The following ZNF195 variants were observed in gnomAD, a reference collection of about 807,000 sequenced individuals.
The protein encoded by ZNF195 is zinc finger protein 195.
In ZNF195, 11 loss-of-function variants were observed where a neutral mutation model predicts 19.5. The observed-to-expected ratio is 0.57, with a 90% CI of 0.36 to 0.94. The LOEUF (loss-of-function observed/expected upper bound fraction) is 0.94. ZNF195 is among the 40% of genes least tolerant of loss of function. The pLI is 0.01. For missense variants in ZNF195, 582 were observed against 709.0 expected, an observed-to-expected ratio of 0.82 and a Z score of 2.03; for synonymous variants, 214 against 248.1, an observed-to-expected ratio of 0.86 and a Z score of 1.29.
intron 1 of ZNF195, among the ~76,000 whole-genome samples, chr11:3,376,716 A>G (rs550217874): frequency 6.6e-6 from 1 of 152,378 alleles, no homozygotes; most frequent in East Asian, 1.9e-4. Context: ...AACTATTTCC[A>G]TAACAAATCA....
At chr11:3,375,267 C>T (rs1036744741) in intron 1 of ZNF195, among the ~76,000 whole-genome samples, 4 of 152,138 alleles carry the variant, frequency 2.6e-5, no homozygotes, top group Admixed American at 6.5e-5. Flanking sequence ...AACTGCCCCC[C>T]ACCCCAAAAT....
chr11:3,370,388 AT>A (rs1229334955), intron 3 of ZNF195, among the ~76,000 whole-genome samples: 12 of 152,300 alleles, frequency 7.9e-5, no homozygotes, highest in African/African-American at 2.6e-4. Flanking sequence ...ACTAAAAAAA[AT>A]AAAATAAAAT....
rs1554927715 is a variant in ZNF195, at chr11:3,360,880, C to T, written c.374-92G>A. On this transcript the variant is annotated intron_variant, in intron 4 of 5. Coordinates refer to ENST00000399602, the MANE Select transcript of ZNF195 (RefSeq NM_001130520.3). ...GTATAGCATCATGCCTTTAAGAGTA[C>T]ACCCTCAGCTCTTGGCTTCTCCTTC... 10 of 1,085,942 alleles carry T rather than the reference C, an allele frequency of 9.2e-6. No homozygotes were observed. The South Asian group carries it at 1.1e-4, about 11-fold the overall frequency. The allele number at this position is 1,085,942 out of a possible 1,614,324, so 67.3% of individuals were successfully genotyped here.
Position 3,359,748 on chromosome 11 carries a change from C to T in ZNF195, c.1260G>A (p.Lys420=). The change falls in exon 6 of 6, where the codon AAG becomes AAA. Residue 420 remains lysine (K), a synonymous_variant. Transcript: ENST00000399602. This position sits in a 1 kb window ranked among gnomAD's most constrained non-coding sequence, Gnocchi z 5.5. The part of the protein sequence containing the change: ...FKCEECDSIF[K]WFSDLTKHKR... ...TATGTTTAGTAAGGTCTGAGAACCACTTGAAGATGCTGTCACATTCCTCAC... is the reference window on the plus strand; with the variant it reads ...TATGTTTAGTAAGGTCTGAGAACCATTTGAAGATGCTGTCACATTCCTCAC... 1 of 1,614,210 alleles carries T rather than the reference C, an allele frequency of 6.2e-7. No individual in the cohort carries two copies. The highest frequency in any genetic ancestry group is 1.3e-5 in the African/African-American group (1 of 75,058).
At chr11:3,372,964 C>T (rs1849290597) in intron 1 of ZNF195, among the ~76,000 whole-genome samples, 2 of 152,350 alleles carry the variant, frequency 1.3e-5, no homozygotes, top group South Asian at 4.1e-4. Context: ...GAACTCCTGG[C>T]CCCAAGCGAT....
At chr11:3,372,392 C>A (rs1386934496) in intron 1 of ZNF195, among the ~76,000 whole-genome samples, 2 of 152,196 alleles carry the variant, frequency 1.3e-5, no homozygotes, top group Non-Finnish European at 2.9e-5. Context: ...GCTCTTTAAA[C>A]AACTGAATAA....
chr11:3,365,541 T>C (rs1256974926), intron 3 of ZNF195, among the ~76,000 whole-genome samples: 1 of 152,256 alleles, frequency 6.6e-6, no homozygotes, highest in Non-Finnish European at 1.5e-5. Flanking sequence ...ATAATTTAGT[T>C]TTTTAAAGAT....
intron 1 of ZNF195, chr11:3,377,688 C>T: frequency 8.4e-7 from 1 of 1,192,008 alleles, no homozygotes; most frequent in Non-Finnish European, 1.1e-6. Flanking sequence ...GGAGAGGCCA[C>T]ACTTCATACC....
Position 3,379,029 on chromosome 11 carries a change from T to A in ZNF195, c.3+9A>T. The A allele has an allele frequency of 6.7e-7, 1 of 1,491,684 alleles. No homozygotes were observed. Among genetic ancestry groups the A allele is most frequent in the Non-Finnish European group, 9.0e-7 (1 of 1,110,544 alleles). The allele number at this position is 1,491,684 out of a possible 1,614,324, so 92.4% of individuals were successfully genotyped here. On this transcript the variant is annotated intron_variant, in intron 1 of 5. Coordinates refer to ENST00000399602, the MANE Select transcript of ZNF195 (RefSeq NM_001130520.3). The stretch of plus-strand genomic sequence containing the variant: ...CCTGTCTCTCAGGAGGCCTGGCCCC[T>A]ACACTCACCATCTCCTGGCCTCCAG...
chr11:3,375,821 T>C (rs546076723), intron 1 of ZNF195, among the ~76,000 whole-genome samples: 89 of 152,328 alleles, frequency 5.8e-4, no homozygotes, highest in African/African-American at 2.0e-3. Context: ...TCATTTCTCT[T>C]ATTCTACAAC....
chr11:3,378,155 C>G (rs1430102337), intron 1 of ZNF195, among the ~76,000 whole-genome samples: 1 of 152,038 alleles, frequency 6.6e-6, no homozygotes, highest in African/African-American at 2.4e-5. Flanking sequence ...ACTAAAAATA[C>G]AAAAATTAGC....
chr11:3,364,627 C>T (rs1176223165), intron 3 of ZNF195, among the ~76,000 whole-genome samples: 2 of 152,124 alleles, frequency 1.3e-5, no homozygotes, highest in African/African-American at 4.8e-5. Flanking sequence ...TATGTACTCT[C>T]CATTTTTCAA....
intron 1 of ZNF195, chr11:3,377,721 AC>A: frequency 9.1e-7 from 1 of 1,098,914 alleles, no homozygotes; most frequent in Admixed American, 4.1e-5. Flanking sequence ...CTGAGAAATA[AC>A]CCAGGGCCTG....
intron 1 of ZNF195, chr11:3,377,809 A>G (rs950620144): frequency 1.0e-6 from 1 of 991,506 alleles, no homozygotes; most frequent in African/African-American, 1.7e-5. Flanking sequence ...GAAACTGAGG[A>G]AAAAGTCCAG....
chr11:3,361,485 T>C (rs1848630511), intron 4 of ZNF195, among the ~76,000 whole-genome samples: 1 of 151,126 alleles, frequency 6.6e-6, no homozygotes, highest in Non-Finnish European at 1.5e-5. Context: ...CTAAGTAAAA[T>C]TAGGAAAATA....
intron 2 of ZNF195, 131 bp downstream of exon 2, chr11:3,371,446 C>T: frequency 8.2e-7 from 1 of 1,213,918 alleles, no homozygotes; most frequent in Non-Finnish European, 1.1e-6. Context: ...CAACTATTCC[C>T]CATGTTTTTC....
chr11:3,373,696 C>A, intron 1 of ZNF195: 1 of 1,437,304 alleles, frequency 7.0e-7, no homozygotes, highest in Non-Finnish European at 9.5e-7. Flanking sequence ...GTTAGCACAA[C>A]CCCTTCACCT....
At chr11:3,360,602 C>T in intron 5 of ZNF195, 37 bp from the exon 6 acceptor site, 1 of 1,552,348 alleles carries the variant, frequency 6.4e-7, no homozygotes, top group Non-Finnish European at 8.7e-7. Context: ...ACTTACTAGA[C>T]ACAGATGAAT....
At position 3,360,786 on chromosome 11, in the gene ZNF195, G is replaced by C. The variant is rs900571870; in HGVS notation, c.376C>G (p.Leu126Val). 1.3e-6 allele frequency: 2 copies of C among 1,550,734 alleles called. No homozygotes were observed. The highest frequency in any genetic ancestry group is 4.9e-5 in the East Asian group (2 of 40,916). The change falls in exon 5 of 6, where the codon CTG becomes GTG. Residue 126 changes from leucine (L) to valine (V), a missense_variant and splice_region_variant. Leu to Val is a conservative substitution (Grantham distance 32). Coordinates refer to ENST00000399602, the MANE Select transcript of ZNF195 (RefSeq NM_001130520.3). ...LNVSVDKFTA[L>V]CSPGVLQTVK... ...GTTTGCAGCACCCCAGGTGAGCACA[G>C]TGCTAGGAGCCAGATAAGAAGAAAA...
Sources: allele counts gnomAD v4.1 joint callset (sites outside exome capture counted in the v4.1 genomes callset), GRCh38; gene constraint gnomAD v4.1.1; non-coding constraint Gnocchi (gnomAD v3.1); transcripts MANE v1.5; gene names NCBI Gene and HGNC (gene_info 2026-07-23, HGNC 2026-07-21).